The following PTN variants were observed in gnomAD, a reference collection of about 807,000 sequenced individuals.
The protein encoded by PTN is pleiotrophin, also known as heparin affin regulatory protein.
Under a neutral mutation model 24.1 loss-of-function variants are expected in PTN, and 18 were observed. That is an observed-to-expected ratio of 0.75 (90% CI 0.52 to 1.11). The LOEUF (loss-of-function observed/expected upper bound fraction) is 1.11. Among genes scored for constraint, PTN ranks in the 50% least tolerant of loss-of-function variants. The pLI is 0.00. For missense variants in PTN, 163 were observed against 198.8 expected (o/e 0.82, Z 1.08); for synonymous variants, 78 against 68.6 (o/e 1.14, Z -0.67).
At chr7:137,308,470 AC>A (rs1405014805) in intron 1 of PTN, among the ~76,000 whole-genome samples, 1 of 152,116 alleles carries the variant, frequency 6.6e-6, no homozygotes, top group East Asian at 1.9e-4. Context: ...GATGACTAAA[AC>A]CTTTTGAAAC....
intron 1 of PTN, among the ~76,000 whole-genome samples, chr7:137,340,000 C>T (rs1055160886): frequency 1.3e-5 from 2 of 151,962 alleles, no homozygotes; most frequent in Non-Finnish European, 2.9e-5. Flanking sequence ...TTTTGTTACA[C>T]TATGTGTGAA....
At chr7:137,325,558 A>G (rs1038386511) in intron 1 of PTN, 2 of 152,304 alleles carry the variant, frequency 1.3e-5, no homozygotes, top group Non-Finnish European at 2.9e-5. Flanking sequence ...CAAGGAGCAT[A>G]AGAGACTGTT....
chr7:137,232,891 T>C (rs1465088552), intron 4 of PTN, among the ~76,000 whole-genome samples: 1 of 151,940 alleles, frequency 6.6e-6, no homozygotes, highest in Non-Finnish European at 1.5e-5. Flanking sequence ...ATTCATTCTC[T>C]TTCCTGCCAC....
chr7:137,292,309 G>C (rs1462723329), intron 1 of PTN, among the ~76,000 whole-genome samples: 1 of 152,136 alleles, frequency 6.6e-6, no homozygotes, highest in Non-Finnish European at 1.5e-5. Flanking sequence ...TTGGCTCTGT[G>C]TCCCCACACA....
At chr7:137,297,547 G>A (rs1337196664) in intron 1 of PTN, among the ~76,000 whole-genome samples, 1 of 152,066 alleles carries the variant, frequency 6.6e-6, no homozygotes, top group Non-Finnish European at 1.5e-5. Context: ...TTGGATCTGA[G>A]GTGGAAACTA....
chr7:137,324,433 A>AAAAT lies in PTN; in HGVS notation c.-2+19005_-2+19006insATTT. On this transcript the variant is annotated intron_variant, in intron 1 of 4. Transcript: ENST00000348225. ...CCCTGTCTCTAAAAAAAAAAAAAAA[A>AAAAT]ATATATATATATATATATAAATTAA... is the stretch of plus-strand genomic sequence containing the variant. Among the ~76,000 whole-genome samples the AAAAT allele has an allele frequency of 9.0e-5, 8 of 88,748 alleles. No individual in the cohort carries two copies. In the South Asian group the frequency reaches 9.6e-4, roughly 11 times the overall value. 58.2% of individuals were successfully genotyped at this position (88,748 alleles called of 152,430 possible). A position where few individuals can be genotyped will look rare whatever the true frequency, so the allele number is the denominator to read the frequency against.
chr7:137,234,731 A>T (rs6964002), intron 4 of PTN, among the ~76,000 whole-genome samples: 9,353 of 152,136 alleles, frequency 0.061, 884 homozygotes, highest in African/African-American at 0.2. Context: ...AAATAAGCTT[A>T]TCTCATTTTC....
chr7:137,251,585 G>A (rs904662927), intron 3 of PTN, among the ~76,000 whole-genome samples, 194 bp from the exon 4 acceptor site: 4 of 151,782 alleles, frequency 2.6e-5, no homozygotes, highest in Non-Finnish European at 4.4e-5. Context: ...AGATGCATAC[G>A]ATCACCATCA....
intron 1 of PTN, among the ~76,000 whole-genome samples, chr7:137,320,515 G>A (rs570650903): frequency 1.3e-5 from 2 of 152,230 alleles, no homozygotes; most frequent in South Asian, 4.1e-4. Context: ...TTATTATAGA[G>A]ATTTGGAGCA....
At chr7:137,285,992 G>A (rs1222237937) in intron 1 of PTN, among the ~76,000 whole-genome samples, 4 of 152,028 alleles carry the variant, frequency 2.6e-5, no homozygotes, top group Non-Finnish European at 4.4e-5. Context: ...CACATACGTA[G>A]GAAATAGAAG....
intron 1 of PTN, among the ~76,000 whole-genome samples, chr7:137,277,948 T>C (rs1054108281): frequency 7.9e-5 from 12 of 151,012 alleles, no homozygotes; most frequent in South Asian, 2.1e-4. Flanking sequence ...GATAGATAGA[T>C]AGATAGATGC....
chr7:137,242,617 T>G (rs1808650049), intron 4 of PTN, among the ~76,000 whole-genome samples: 1 of 152,230 alleles, frequency 6.6e-6, no homozygotes. Flanking sequence ...AATTGCCAGG[T>G]GAACAATAAC....
rs139198070 is a variant in PTN, at chr7:137,337,027, G to T, written c.-2+6412C>A. ...GGACCTTGGAGCTCAAATATTGAGC[G>T]ATTAAGGCTACTGTTTCTAATGTTT... On this transcript the variant is annotated intron_variant, in intron 1 of 4. Coordinates refer to ENST00000348225, the MANE Select transcript of PTN (RefSeq NM_002825.7). Among the ~76,000 whole-genome samples, 59 of 152,236 alleles carry T rather than the reference G, an allele frequency of 3.9e-4. 1 individual carries two copies. The highest frequency in any genetic ancestry group is 1.4e-3 in the African/African-American group (57 of 41,560).
chr7:137,342,159 G>A (rs1810544382), intron 1 of PTN, among the ~76,000 whole-genome samples: 1 of 152,028 alleles, frequency 6.6e-6, no homozygotes, highest in African/African-American at 2.4e-5. Context: ...ATAATTAAGG[G>A]GCTAAAATGG....
intron 4 of PTN, among the ~76,000 whole-genome samples, chr7:137,250,204 T>C (rs188206969): frequency 3.9e-5 from 6 of 152,330 alleles, no homozygotes; most frequent in Admixed American, 1.3e-4. Flanking sequence ...TATAACAAAG[T>C]ACCACAGAGT....
intron 1 of PTN, among the ~76,000 whole-genome samples, chr7:137,281,499 C>G (rs1469657361): frequency 6.6e-6 from 1 of 152,198 alleles, no homozygotes; most frequent in African/African-American, 2.4e-5. Context: ...TAGCGTGGAC[C>G]TCACCCAGGT....
At position 137,278,857 on chromosome 7, in the gene PTN, C is replaced by T. The variant is rs543681347; in HGVS notation, c.-1-23883G>A. Among the ~76,000 whole-genome samples, 343 of 151,570 alleles carry T rather than the reference C, an allele frequency of 2.3e-3. 1 individual carries two copies. The highest frequency in any genetic ancestry group is 6.3e-3 in the African/African-American group (259 of 41,320). Reference sequence around the variant, plus strand: ...TCAGGAGGCAGAAGCAGGAGAATTGCGTGAACCCGGGAGGCAGAGGTTGCA... The same window carrying T: ...TCAGGAGGCAGAAGCAGGAGAATTGTGTGAACCCGGGAGGCAGAGGTTGCA... On this transcript the variant is annotated intron_variant, in intron 1 of 4. Coordinates refer to ENST00000348225, the MANE Select transcript of PTN (RefSeq NM_002825.7).
chr7:137,300,195 C>T (rs1809784812), intron 1 of PTN, among the ~76,000 whole-genome samples: 1 of 151,636 alleles, frequency 6.6e-6, no homozygotes, highest in South Asian at 2.1e-4. Flanking sequence ...TATCTTTTAC[C>T]CCATTTGACT....
intron 1 of PTN, among the ~76,000 whole-genome samples, chr7:137,291,172 A>ACAT (rs1259986866): frequency 6.6e-6 from 1 of 152,242 alleles, no homozygotes; most frequent in African/African-American, 2.4e-5. Flanking sequence ...TAAAAAAAGT[A>ACAT]CATAAGTGTA....
Sources: allele counts gnomAD v4.1 joint callset (sites outside exome capture counted in the v4.1 genomes callset), GRCh38; gene constraint gnomAD v4.1.1; transcripts MANE v1.5; gene names NCBI Gene and HGNC (gene_info 2026-07-23, HGNC 2026-07-21).